THSD7B: variants seen among roughly 807,000 people sequenced by gnomAD.
THSD7B encodes thrombospondin type 1 domain containing 7B.
Under a neutral mutation model 213.6 loss-of-function variants are expected in THSD7B, and 138 were observed. The observed-to-expected ratio is 0.65, with a 90% CI of 0.56 to 0.74. THSD7B has a LOEUF of 0.74. Among genes scored for constraint, THSD7B ranks in the 30% least tolerant of loss-of-function variants. The pLI is 0.00. For synonymous variants in THSD7B, 742 were observed against 687.0 expected, an observed-to-expected ratio of 1.08 and a Z score of -1.25; for missense variants, 1,931 against 1,991.5, an observed-to-expected ratio of 0.97 and a Z score of 0.58.
In THSD7B at chr2:137,214,225, T is replaced by A. The variant is rs75434412; in HGVS notation, c.1724-16819T>A. ...AAGCATTTAACATTGTCACCATGCCTATTTATGTACTTATACCTGGATTTT... is the reference window on the plus strand; with the variant it reads ...AAGCATTTAACATTGTCACCATGCCAATTTATGTACTTATACCTGGATTTT... On this transcript the variant is annotated intron_variant, in intron 7 of 27. Transcript: ENST00000409968. Among the ~76,000 whole-genome samples, 119 of 152,306 alleles carry A rather than the reference T, an allele frequency of 7.8e-4. 1 individual carries two copies. In the South Asian group the frequency reaches 0.011, roughly 14 times the overall value.
rs1005037879 is a variant in THSD7B, at chr2:137,186,376, A to T, written c.1723+15438A>T. Among the ~76,000 whole-genome samples, 27 of 152,040 alleles carry T rather than the reference A, an allele frequency of 1.8e-4. 1 individual carries two copies. Among genetic ancestry groups the T allele is most frequent in the Admixed American group, 1.8e-3 (27 of 15,250 alleles). On this transcript the variant is annotated intron_variant, in intron 7 of 27. Coordinates refer to ENST00000409968, the MANE Select transcript of THSD7B (RefSeq NM_001316349.2). Reference sequence around the variant, plus strand: ...TTTGTAGTTTGAGGTCTTCTATTTCAGTCTTTATCTTGAGTTAATTTCTGT... The same window carrying T: ...TTTGTAGTTTGAGGTCTTCTATTTCTGTCTTTATCTTGAGTTAATTTCTGT...
intron 15 of THSD7B, among the ~76,000 whole-genome samples, chr2:137,520,724 A>G (rs906004041): frequency 6.6e-6 from 1 of 152,246 alleles, no homozygotes. Context: ...TATCTTCAGC[A>G]TCCCTGGAGC....
chr2:136,803,481 G>T (rs574121960), intron 1 of THSD7B, among the ~76,000 whole-genome samples: 1 of 152,224 alleles, frequency 6.6e-6, no homozygotes, highest in East Asian at 1.9e-4. Flanking sequence ...GGACATTAGG[G>T]ATTATGAAAG....
At chr2:137,431,887 C>T (rs1360656872) in intron 14 of THSD7B, among the ~76,000 whole-genome samples, 2 of 138,794 alleles carry the variant, frequency 1.4e-5, no homozygotes, top group African/African-American at 2.5e-5. Context: ...ACAACGGGAA[C>T]AGATAACCTC....
chr2:137,540,726 C>G (rs1680594453), intron 15 of THSD7B, among the ~76,000 whole-genome samples: 1 of 151,690 alleles, frequency 6.6e-6, no homozygotes, highest in South Asian at 2.1e-4. Context: ...TAGTCTAAAA[C>G]ACTCAGAGGC....
chr2:137,541,114 AAC>A lies in THSD7B; in HGVS notation c.3139-22103_3139-22102del, dbSNP rs1236093162. ...TCAAAAGGCATCTTTGTCAGATCATAACACAGAGACATCATTATACATGACAA... is the reference window on the plus strand; with the variant it reads ...TCAAAAGGCATCTTTGTCAGATCATAACAGAGACATCATTATACATGACAA... On this transcript the variant is annotated intron_variant, in intron 15 of 27. Transcript: ENST00000409968. Among the ~76,000 whole-genome samples, 3 of 151,800 alleles carry A rather than the reference AAC, an allele frequency of 2.0e-5. No individual in the cohort carries two copies. In the East Asian group the frequency reaches 5.8e-4, roughly 29 times the overall value.
chr2:137,535,652 G>A (rs1680490296), intron 15 of THSD7B, among the ~76,000 whole-genome samples: 1 of 151,688 alleles, frequency 6.6e-6, no homozygotes, highest in African/African-American at 2.4e-5. Flanking sequence ...CTAGGAACAT[G>A]ACAGTCAAAA....
chr2:136,829,928 T>C (rs779937448), intron 1 of THSD7B, among the ~76,000 whole-genome samples: 1 of 152,188 alleles, frequency 6.6e-6, no homozygotes, highest in Non-Finnish European at 1.5e-5. Context: ...CTTGCCTCTT[T>C]TTATCTTTTT....
chr2:137,501,114 G>C (rs1376364732), intron 15 of THSD7B, among the ~76,000 whole-genome samples: 1 of 152,144 alleles, frequency 6.6e-6, no homozygotes, highest in Non-Finnish European at 1.5e-5. Flanking sequence ...GGGTGATTCT[G>C]TCAGGGGGTA....
chr2:137,094,970 A>G lies in THSD7B; in HGVS notation c.1048A>G (p.Lys350Glu), dbSNP rs550601759. 16 of 1,613,904 alleles carry G rather than the reference A, an allele frequency of 9.9e-6. No individual in the cohort carries two copies. In the African/African-American group the frequency reaches 2.0e-4, roughly 20 times the overall value. Residue 350 changes from lysine (K) to glutamate (E), a missense_variant, in exon 4 of 28, where the codon AAG (lysine) becomes GAG (glutamate). Lys to Glu is a moderately conservative substitution (Grantham distance 56). Coordinates refer to ENST00000409968, the MANE Select transcript of THSD7B (RefSeq NM_001316349.2). Reference protein sequence around the residue: ...SQWSSWSPCSKTCRSGSLLPG... With the variant: ...SQWSSWSPCSETCRSGSLLPG... The stretch of plus-strand genomic sequence containing the variant: ...GTGGTCCTCCTGGAGCCCCTGCTCC[A>G]AGACATGCCGTTCAGGGAGTCTCTT...
intron 6 of THSD7B, among the ~76,000 whole-genome samples, chr2:137,168,473 C>T (rs901251081): frequency 5.8e-4 from 89 of 152,230 alleles, no homozygotes; most frequent in African/African-American, 2.1e-3. Context: ...TTATGCTGAG[C>T]TTGTGCTGTG....
At chr2:137,041,817 A>G (rs1686887054) in intron 2 of THSD7B, among the ~76,000 whole-genome samples, 1 of 152,150 alleles carries the variant, frequency 6.6e-6, no homozygotes, top group Non-Finnish European at 1.5e-5. Context: ...ATATTGCTAT[A>G]ATTCGCTAAT....
chr2:137,362,445 G>T (rs1685287283), intron 12 of THSD7B, among the ~76,000 whole-genome samples: 1 of 152,108 alleles, frequency 6.6e-6, no homozygotes, highest in Admixed American at 6.5e-5. Flanking sequence ...TGGCAAATTG[G>T]ATAAAGAGTC....
chr2:137,397,119 G>A (rs201597728), intron 12 of THSD7B, among the ~76,000 whole-genome samples: 29,283 of 143,748 alleles, frequency 0.2, 3,223 homozygotes, highest in South Asian at 0.24. Flanking sequence ...TCTTTATCCA[G>A]TTTGCCAGTC....
chr2:137,356,832 T>G (rs992460848), intron 12 of THSD7B, among the ~76,000 whole-genome samples: 1 of 152,132 alleles, frequency 6.6e-6, no homozygotes, highest in East Asian at 1.9e-4. Context: ...ACACTTACTT[T>G]AAGCCTTTGT....
intron 1 of THSD7B, among the ~76,000 whole-genome samples, chr2:136,876,884 G>C (rs1683533731): frequency 6.6e-6 from 1 of 152,298 alleles, no homozygotes; most frequent in Admixed American, 6.5e-5. Flanking sequence ...ACATGTGTTT[G>C]TGGCTGCAGT....
rs10427287 is a variant in THSD7B at position 137,364,563 on chromosome 2, A to G, written c.2501-41050A>G. On this transcript the variant is annotated intron_variant, in intron 12 of 27. Coordinates refer to ENST00000409968, the MANE Select transcript of THSD7B (RefSeq NM_001316349.2). ...CAGCAAAGTCTCAGGATATAAAATC[A>G]ATGTGCCAAAATCACAAGCATTCCT... Among the ~76,000 whole-genome samples the G allele has an allele frequency of 9.9e-3, 1,502 of 152,346 alleles. 29 individuals are homozygous for G. Among genetic ancestry groups the G allele is most frequent in the African/African-American group, 0.035 (1,452 of 41,578 alleles).
intron 11 of THSD7B, among the ~76,000 whole-genome samples, chr2:137,274,590 A>G (rs1682825795): frequency 6.6e-6 from 1 of 152,026 alleles, no homozygotes; most frequent in Non-Finnish European, 1.5e-5. Context: ...TTGAAAGTTT[A>G]ATAAAGGAAT....
At chr2:137,500,223 CCTAT>C (rs950745926) in intron 15 of THSD7B, among the ~76,000 whole-genome samples, 6 of 152,092 alleles carry the variant, frequency 3.9e-5, no homozygotes, top group African/African-American at 1.4e-4. Context: ...AGTAATGAAA[CCTAT>C]CTGAGTGCAT....
Sources: gnomAD v4.1 joint callset for allele counts (sites outside exome capture counted in the v4.1 genomes callset) on GRCh38, gnomAD v4.1.1 for gene constraint, MANE v1.5 for transcripts, NCBI Gene and HGNC (gene_info 2026-07-23, HGNC 2026-07-21) for gene names.